The following SMARCC2 variants were observed in gnomAD, a reference collection of about 807,000 sequenced individuals.
SMARCC2 encodes SWI/SNF complex subunit SMARCC2.
SMARCC2 carries 15 observed loss-of-function variants against 151.3 expected under a neutral mutation model. The observed-to-expected ratio is 0.10, with a 90% CI of 0.07 to 0.15. SMARCC2 has a LOEUF of 0.15. Ranked by LOEUF, SMARCC2 falls within the 10% of genes least tolerant of loss-of-function variation. The pLI is 1.00. For missense variants in SMARCC2, 1,031 were observed against 1,599.7 expected (o/e 0.64, Z 6.06); for synonymous variants, 590 against 609.5 (o/e 0.97, Z 0.47).
rs35695803 is a variant in SMARCC2, at chr12:56,163,327, C to CTTTTTTT, written c.*355_*361dup. 7.2e-6 allele frequency: 1 copy of CTTTTTTT among 139,836 alleles called. No individual in the cohort carries two copies. The highest frequency in any genetic ancestry group is 1.5e-5 in the Non-Finnish European group (1 of 64,820). The allele number at this position is 139,836 out of a possible 1,614,324, so 8.7% of individuals were successfully genotyped here. ...CTCCAATGTGGCTTTTTAAAATCTA[C>CTTTTTTT]TTTTTTTTTTTTTTTTTAATCCATA... On this transcript the variant is annotated 3_prime_UTR_variant, in exon 29 of 29. Coordinates refer to ENST00000550164, the MANE Select transcript of SMARCC2 (RefSeq NM_001330288.2).
intron 9 of SMARCC2, 33 bp from the exon 10 acceptor site, chr12:56,181,630 C>T (rs764284469): frequency 3.1e-6 from 5 of 1,610,542 alleles, no homozygotes; most frequent in Admixed American, 1.7e-5. Context: ...AAATGTCAGC[C>T]TACAATCCCC....
chr12:56,189,253 C>T, intron 1 of SMARCC2, 98 bp downstream of exon 1: 1 of 585,084 alleles, frequency 1.7e-6, no homozygotes. Context: ...GGGGGAGGGG[C>T]TGGGGCGCCT....
intron 26 of SMARCC2, among the ~76,000 whole-genome samples, chr12:56,166,381 G>C (rs183295085): frequency 5.9e-5 from 9 of 152,004 alleles, no homozygotes; most frequent in Admixed American, 2.0e-4. Context: ...CGATCTCCTT[G>C]ATCTCGTGAT....
intron 16 of SMARCC2, 104 bp downstream of exon 16, chr12:56,174,547 C>T: frequency 1.4e-6 from 1 of 734,246 alleles, no homozygotes; most frequent in Non-Finnish European, 2.4e-6. Flanking sequence ...GTGCTTTTTT[C>T]TGTCTGCTCC....
intron 27 of SMARCC2, 121 bp from the exon 28 acceptor site, chr12:56,164,852 G>A (rs555736517): frequency 1.8e-5 from 15 of 854,710 alleles, no homozygotes; most frequent in East Asian, 5.3e-5. Context: ...GCAGTGGCAC[G>A]ATCTTGGCTC....
At chr12:56,180,550 C>T (rs1041365330) in intron 11 of SMARCC2, among the ~76,000 whole-genome samples, 11 of 151,846 alleles carry the variant, frequency 7.2e-5, no homozygotes, top group African/African-American at 2.7e-4. Context: ...ATTACAGGTG[C>T]CCACCACCAC....
chr12:56,183,717 A>G (rs1279662224), intron 7 of SMARCC2, 144 bp downstream of exon 7: 6 of 577,794 alleles, frequency 1.0e-5, no homozygotes, highest in African/African-American at 5.6e-5. Flanking sequence ...CCCCCAAGAC[A>G]GAGGTTCACT....
At chr12:56,172,066 G>A (rs1330256307) in intron 20 of SMARCC2, 129 bp from the exon 21 acceptor site, 1 of 761,090 alleles carries the variant, frequency 1.3e-6, no homozygotes, top group Non-Finnish European at 2.1e-6. Flanking sequence ...ACTCTGCTAG[G>A]TCCAAGGGGG....
chr12:56,168,620 T>C (rs143891417), intron 25 of SMARCC2, among the ~76,000 whole-genome samples: 5,389 of 151,684 alleles, frequency 0.036, 308 homozygotes, highest in African/African-American at 0.12. Flanking sequence ...GTGATCCACC[T>C]GCCTCAGCCT....
At chr12:56,167,889 AAC>A (rs57344405) in intron 26 of SMARCC2, among the ~76,000 whole-genome samples, 169 bp downstream of exon 26, 2,849 of 132,452 alleles carry the variant, frequency 0.022, 50 homozygotes, top group Middle Eastern at 0.041. Context: ...CTTTCACTGA[AAC>A]ACACACACAC....
Position 56,171,095 on chromosome 12 carries a change from G to A in SMARCC2, c.2347+176C>T, listed in dbSNP as rs139321757. ...ATTTTTCTACCCAAAATCTTCATGA[G>A]AGGACTAGTAGGGCTCCAGAGCCCC... On this transcript the variant is annotated intron_variant, in intron 22 of 28. Coordinates refer to ENST00000550164, the MANE Select transcript of SMARCC2 (RefSeq NM_001330288.2). The surrounding 1 kb of genome is among the most constrained non-coding windows in gnomAD (Gnocchi z 4.2). Among the ~76,000 whole-genome samples the A allele has an allele frequency of 2.6e-5, 4 of 152,272 alleles. No homozygotes were observed. The highest frequency in any genetic ancestry group is 1.3e-4 in the Admixed American group (2 of 15,292).
intron 25 of SMARCC2, among the ~76,000 whole-genome samples, 174 bp downstream of exon 25, chr12:56,169,355 T>C (rs560040740): frequency 7.9e-5 from 12 of 152,356 alleles, no homozygotes; most frequent in Admixed American, 6.5e-5. Context: ...AATGGTGATA[T>C]ATTTTTTAAA....
intron 18 of SMARCC2, 98 bp from the exon 19 acceptor site, chr12:56,172,802 A>G: frequency 6.3e-7 from 1 of 1,582,710 alleles, no homozygotes; most frequent in Non-Finnish European, 8.6e-7. Context: ...TCTTTCCCAA[A>G]GCCAGGGACA....
Position 56,163,126 on chromosome 12 carries a change from T to TG in SMARCC2, c.*562dup, listed in dbSNP as rs1416691333. 1 of 146,588 alleles carries TG rather than the reference T, an allele frequency of 6.8e-6. No individual in the cohort carries two copies. Among genetic ancestry groups the TG allele is most frequent in the South Asian group, 2.1e-4 (1 of 4,656 alleles). The allele number at this position is 146,588 out of a possible 1,614,324, so 9.1% of individuals were successfully genotyped here. A position where few individuals can be genotyped will look rare whatever the true frequency, so the allele number is the denominator to read the frequency against. On this transcript the variant is annotated 3_prime_UTR_variant, in exon 29 of 29. Transcript: ENST00000550164. ...GAACTCGAATAAGCTCAGCGTAGGGTGGGGGAGGGGAGTTGGGGCCTTGAC... is the reference window on the plus strand; with the variant it reads ...GAACTCGAATAAGCTCAGCGTAGGGTGGGGGGAGGGGAGTTGGGGCCTTGAC...
chr12:56,167,965 C>G, intron 26 of SMARCC2, 95 bp downstream of exon 26: 2 of 1,051,888 alleles, frequency 1.9e-6, no homozygotes, highest in South Asian at 2.9e-5. Flanking sequence ...CACACACACA[C>G]ACACACACAC....
rs772793690 is a variant in SMARCC2 at position 56,162,400 on chromosome 12, AAG to A, written c.*1287_*1288del. 1.2e-5 allele frequency: 8 copies of A among 646,708 alleles called. No individual in the cohort carries two copies. Among genetic ancestry groups the A allele is most frequent in the East Asian group, 8.2e-5 (3 of 36,616 alleles). 40.1% of individuals were successfully genotyped at this position (646,708 alleles called of 1,614,324 possible). A position where few individuals can be genotyped will look rare whatever the true frequency, so the allele number is the denominator to read the frequency against. On this transcript the variant is annotated 3_prime_UTR_variant, in exon 29 of 29. Coordinates refer to ENST00000550164, the MANE Select transcript of SMARCC2 (RefSeq NM_001330288.2). ...TTAATTTATAAAAAAAAAAAAAAGA[AAG>A]AAAGAAAAAAAGAGAAAATTTACAG... is the stretch of plus-strand genomic sequence containing the variant.
At chr12:56,174,400 C>G in intron 16 of SMARCC2, 1 of 362,300 alleles carries the variant, frequency 2.8e-6, no homozygotes, top group South Asian at 6.5e-5. Context: ...GCATGAGCCA[C>G]CACACCTGGC....
chr12:56,172,522 A>G (rs1339363365), intron 19 of SMARCC2, 32 bp from the exon 20 acceptor site: 1 of 1,609,718 alleles, frequency 6.2e-7, no homozygotes, highest in African/African-American at 1.3e-5. Context: ...GTGAGAAGAA[A>G]GGAGCCTGTG....
At chr12:56,163,906 T>A in intron 28 of SMARCC2, 141 bp from the exon 29 acceptor site, 1 of 560,112 alleles carries the variant, frequency 1.8e-6, no homozygotes, top group Middle Eastern at 2.8e-4. Context: ...TCAACTTCTG[T>A]TCCCAACACT....
Sources: allele counts gnomAD v4.1 joint callset (sites outside exome capture counted in the v4.1 genomes callset), GRCh38; gene constraint gnomAD v4.1.1; non-coding constraint Gnocchi (gnomAD v3.1); transcripts MANE v1.5; gene names NCBI Gene and HGNC (gene_info 2026-07-23, HGNC 2026-07-21).